The following OLA1 variants were observed in gnomAD, a reference collection of about 807,000 sequenced individuals.
The protein encoded by OLA1 is Obg like ATPase 1.
Under a neutral mutation model 48.4 loss-of-function variants are expected in OLA1, and 14 were observed. That is an observed-to-expected ratio of 0.29 (90% CI 0.19 to 0.45). The LOEUF (loss-of-function observed/expected upper bound fraction) is 0.45. Among genes scored for constraint, OLA1 ranks in the 20% least tolerant of loss-of-function variants. OLA1 has a pLI of 1.00. For missense variants in OLA1, 325 were observed against 467.1 expected (o/e 0.70, Z 2.80); for synonymous variants, 127 against 150.4 (o/e 0.84, Z 1.14).
chr2:174,156,602 GAGAT>G (rs1385304416), intron 4 of OLA1, among the ~76,000 whole-genome samples: 22 of 30,488 alleles, frequency 7.2e-4, no homozygotes, highest in African/African-American at 2.5e-3. Context: ...TTTTTTTTTT[GAGAT>G]GGAGTTTTGC....
At chr2:174,210,446 T>G (rs1465150080) in intron 4 of OLA1, among the ~76,000 whole-genome samples, 2 of 152,170 alleles carry the variant, frequency 1.3e-5, no homozygotes, top group Non-Finnish European at 2.9e-5. Context: ...ATTACAAAGT[T>G]ACAATTAATT....
chr2:174,243,302 G>C (rs1053844115), intron 2 of OLA1, among the ~76,000 whole-genome samples: 2 of 152,182 alleles, frequency 1.3e-5, no homozygotes, highest in African/African-American at 4.8e-5. Flanking sequence ...TGTTTTGTGT[G>C]CCTGCAGTTC....
At chr2:174,104,483 T>C (rs981547912) in intron 7 of OLA1, among the ~76,000 whole-genome samples, 2 of 152,082 alleles carry the variant, frequency 1.3e-5, no homozygotes. Context: ...AATTCATACA[T>C]AGCTAATGCA....
At position 174,243,721 on chromosome 2, in the gene OLA1, T is replaced by C. The variant is rs530273535; in HGVS notation, c.101+2994A>G. On this transcript the variant is annotated intron_variant, in intron 2 of 10. Coordinates refer to ENST00000284719, the MANE Select transcript of OLA1 (RefSeq NM_013341.5). Reference sequence around the variant, plus strand: ...AAATTAGATAATATATATAAAGTACTCAAAATAGCGATTGGCATATAGTAA... The same window carrying C: ...AAATTAGATAATATATATAAAGTACCCAAAATAGCGATTGGCATATAGTAA... Among the ~76,000 whole-genome samples, 4 of 152,292 alleles carry C rather than the reference T, an allele frequency of 2.6e-5. No individual in the cohort carries two copies. The East Asian group carries it at 7.7e-4, about 29-fold the overall frequency.
chr2:174,080,663 C>T (rs1488220131), intron 9 of OLA1, among the ~76,000 whole-genome samples: 7 of 151,994 alleles, frequency 4.6e-5, no homozygotes, highest in Admixed American at 2.6e-4. Context: ...AATTATTACA[C>T]GTTGAGTTTA....
At chr2:174,237,527 C>A (rs922291354) in intron 2 of OLA1, among the ~76,000 whole-genome samples, 1 of 152,112 alleles carries the variant, frequency 6.6e-6, no homozygotes, top group Non-Finnish European at 1.5e-5. Flanking sequence ...GCAAAGAGAT[C>A]GCTTGAAGCC....
intron 9 of OLA1, among the ~76,000 whole-genome samples, chr2:174,080,316 G>A (rs1558943770): frequency 6.6e-6 from 1 of 151,990 alleles, no homozygotes; most frequent in Non-Finnish European, 1.5e-5. Flanking sequence ...AATTTATCGT[G>A]TAGCATATAT....
intron 4 of OLA1, among the ~76,000 whole-genome samples, chr2:174,159,711 G>A (rs1228220411): frequency 6.6e-6 from 1 of 151,916 alleles, no homozygotes; most frequent in East Asian, 1.9e-4. Flanking sequence ...GAATAATTCT[G>A]GGTGCCATAA....
Position 174,154,660 on chromosome 2 carries a change from G to T in OLA1, c.374-12660C>A, listed in dbSNP as rs576151482. Among the ~76,000 whole-genome samples the T allele has an allele frequency of 1.3e-3, 198 of 152,184 alleles. 3 individuals are homozygous for T. Among genetic ancestry groups the T allele is most frequent in the African/African-American group, 4.0e-3 (166 of 41,512 alleles). ...GGAATAAAGTACAGTAAAACTGGTG[G>T]TTACATATTTTACCTTAAATATGGC... On this transcript the variant is annotated intron_variant, in intron 4 of 10. Coordinates refer to ENST00000284719, the MANE Select transcript of OLA1 (RefSeq NM_013341.5).
chr2:174,144,745 G>A (rs182704895), intron 4 of OLA1, among the ~76,000 whole-genome samples: 192 of 150,962 alleles, frequency 1.3e-3, no homozygotes, highest in African/African-American at 3.9e-3. Flanking sequence ...CTGAGCTCAG[G>A]AGTTTGAGAT....
At chr2:174,216,374 T>A (rs1304945246) in intron 4 of OLA1, among the ~76,000 whole-genome samples, 1 of 152,030 alleles carries the variant, frequency 6.6e-6, no homozygotes, top group Non-Finnish European at 1.5e-5. Context: ...ATGCTGGAAA[T>A]GCTCCCAAGA....
chr2:174,148,854 T>G lies in OLA1; in HGVS notation c.374-6854A>C, dbSNP rs1686676976. ...GATATTAGCCCCTCCCAAGGAAGTTTGCACCATAGATTGTTGCTTCTATTT... is the reference window on the plus strand; with the variant it reads ...GATATTAGCCCCTCCCAAGGAAGTTGGCACCATAGATTGTTGCTTCTATTT... On this transcript the variant is annotated intron_variant, in intron 4 of 10. Coordinates refer to ENST00000284719, the MANE Select transcript of OLA1 (RefSeq NM_013341.5). Among the ~76,000 whole-genome samples, 3 of 152,226 alleles carry G rather than the reference T, an allele frequency of 2.0e-5. No individual in the cohort carries two copies. In the South Asian group the frequency reaches 6.2e-4, roughly 32 times the overall value.
At chr2:174,112,666 C>T (rs546310400) in intron 7 of OLA1, among the ~76,000 whole-genome samples, 8 of 152,242 alleles carry the variant, frequency 5.3e-5, no homozygotes, top group African/African-American at 1.9e-4. Context: ...GAGTGGACTC[C>T]TGATACAGAG....
intron 5 of OLA1, among the ~76,000 whole-genome samples, chr2:174,131,938 C>T (rs1194148740): frequency 6.6e-6 from 1 of 151,992 alleles, no homozygotes; most frequent in African/African-American, 2.4e-5. Flanking sequence ...TCTTTTTCTA[C>T]TGTATGGAAG....
intron 7 of OLA1, among the ~76,000 whole-genome samples, chr2:174,107,417 A>G (rs1310622022): frequency 6.6e-6 from 1 of 152,126 alleles, no homozygotes; most frequent in Non-Finnish European, 1.5e-5. Flanking sequence ...TTACAGTTCA[A>G]TTTACCAGTT....
At chr2:174,197,981 T>C (rs1687915281) in intron 4 of OLA1, among the ~76,000 whole-genome samples, 1 of 152,260 alleles carries the variant, frequency 6.6e-6, no homozygotes, top group Admixed American at 6.5e-5. Context: ...TTGTTTTGTT[T>C]TGAGATGGAG....
intron 1 of OLA1, chr2:174,247,710 G>C (rs1689157372): frequency 6.4e-7 from 1 of 1,551,048 alleles, no homozygotes; most frequent in African/African-American, 1.4e-5. Context: ...CCCACCTTTG[G>C]CACTGAAGGT....
At chr2:174,103,870 G>A (rs1685454426) in intron 7 of OLA1, among the ~76,000 whole-genome samples, 1 of 152,142 alleles carries the variant, frequency 6.6e-6, no homozygotes, top group Non-Finnish European at 1.5e-5. Flanking sequence ...GAGAACAAAA[G>A]GGAATCTGGG....
chr2:174,136,672 CTTT>C (rs555917413), intron 5 of OLA1, among the ~76,000 whole-genome samples: 1 of 141,930 alleles, frequency 7.0e-6, no homozygotes, highest in Non-Finnish European at 1.6e-5. Flanking sequence ...CATGAATATT[CTTT>C]TTTTTTTTTT....
Sources: gnomAD v4.1 joint callset for allele counts (sites outside exome capture counted in the v4.1 genomes callset) on GRCh38, gnomAD v4.1.1 for gene constraint, MANE v1.5 for transcripts, NCBI Gene and HGNC (gene_info 2026-07-23, HGNC 2026-07-21) for gene names.